NOL12: variants seen among roughly 807,000 people sequenced by gnomAD.
NOL12 encodes the protein nucleolar protein 12.
Under a neutral mutation model 25.2 loss-of-function variants are expected in NOL12, and 21 were observed. The ratio of observed to expected loss-of-function variants is 0.83; its 90% confidence interval spans 0.59 to 1.20. NOL12 has a LOEUF of 1.20. Ranked by LOEUF, NOL12 falls within the 50% of genes most tolerant of loss-of-function variation. NOL12 has a pLI of 0.00. For missense variants in NOL12, 286 were observed against 287.6 expected, an observed-to-expected ratio of 0.99 and a Z score of 0.04; for synonymous variants, 133 against 113.8, an observed-to-expected ratio of 1.17 and a Z score of -1.08.
In NOL12 at chr22:37,691,340, C is replaced by G. The variant is rs370068057; in HGVS notation, c.*4C>G. ...AGCACGGCACAGCGGGGAGTGAGAC[C>G]GAGAACGAAGCGGTGCCCCAGTCTA... On this transcript the variant is annotated 3_prime_UTR_variant, in exon 6 of 6. Transcript: ENST00000359114. 3 of 1,602,650 alleles carry G rather than the reference C, an allele frequency of 1.9e-6. No individual in the cohort carries two copies. The highest frequency in any genetic ancestry group is 2.2e-5 in the East Asian group (1 of 44,624).
In NOL12 at chr22:37,692,691, C is replaced by A; in HGVS notation, c.*1355C>A. On this transcript the variant is annotated 3_prime_UTR_variant, in exon 6 of 6. Transcript: ENST00000359114. Reference sequence around the variant, plus strand: ...ACAGTGCGGTGAGGGGCATCTGCGACAGGACTGCGGGCTCTACCCGCCCTG... The same window carrying A: ...ACAGTGCGGTGAGGGGCATCTGCGAAAGGACTGCGGGCTCTACCCGCCCTG... 1 of 399,006 alleles carries A rather than the reference C, an allele frequency of 2.5e-6. No homozygotes were observed. 24.7% of individuals were successfully genotyped at this position (399,006 alleles called of 1,614,324 possible). A position where few individuals can be genotyped will look rare whatever the true frequency, so the allele number is the denominator to read the frequency against.
In NOL12 at chr22:37,692,711, G is replaced by A. The variant is rs143537450; in HGVS notation, c.*1375G>A. 9.9e-4 allele frequency: 394 copies of A among 399,106 alleles called. 1 individual carries two copies. The highest frequency in any genetic ancestry group is 7.1e-3 in the African/African-American group (344 of 48,762). 24.7% of individuals were successfully genotyped at this position (399,106 alleles called of 1,614,324 possible). On this transcript the variant is annotated 3_prime_UTR_variant, in exon 6 of 6. Coordinates refer to ENST00000359114, the MANE Select transcript of NOL12 (RefSeq NM_024313.3). ...TGCGACAGGACTGCGGGCTCTACCC[G>A]CCCTGATGTGGGAGCTCCTGGAGTG...
intron 4 of NOL12, among the ~76,000 whole-genome samples, chr22:37,690,148 G>A (rs1299426791): frequency 6.6e-6 from 1 of 152,006 alleles, no homozygotes; most frequent in Non-Finnish European, 1.5e-5. Context: ...TCCAGCCTGG[G>A]CAAAAAGAGC....
At chr22:37,687,682 TC>T (rs1921881698) in intron 1 of NOL12, 1 of 386,748 alleles carries the variant, frequency 2.6e-6, no homozygotes, top group Admixed American at 4.1e-5. Flanking sequence ...GGTCTTGAAC[TC>T]CTGGCGTCAT....
chr22:37,689,509 G>T (rs1460869907), intron 4 of NOL12, among the ~76,000 whole-genome samples: 1 of 152,100 alleles, frequency 6.6e-6, no homozygotes, highest in African/African-American at 2.4e-5. Flanking sequence ...TGTGGGTTGT[G>T]AATCATGAGT....
At chr22:37,689,662 C>G (rs952024904) in intron 4 of NOL12, among the ~76,000 whole-genome samples, 3 of 152,198 alleles carry the variant, frequency 2.0e-5, no homozygotes, top group Non-Finnish European at 2.9e-5. Flanking sequence ...CACACAATTA[C>G]GATATAAAAC....
At chr22:37,686,558 G>T in intron 1 of NOL12, 83 bp downstream of exon 1, 1 of 1,428,808 alleles carries the variant, frequency 7.0e-7, no homozygotes. Flanking sequence ...CGCTCCCGCC[G>T]GGGGCTCTTC....
chr22:37,688,186 A>G (rs1379533545), intron 2 of NOL12, 126 bp from the exon 3 acceptor site: 1 of 1,152,622 alleles, frequency 8.7e-7, no homozygotes, highest in East Asian at 2.5e-5. Flanking sequence ...GTGATGGAAG[A>G]TGGAGTCTCC....
At chr22:37,687,020 A>T in intron 1 of NOL12, 1 of 985,404 alleles carries the variant, frequency 1.0e-6, no homozygotes, top group Non-Finnish European at 1.2e-6. Context: ...TGTGGAGATG[A>T]GAAGGGGCTG....
In NOL12 at chr22:37,692,564, A is replaced by G; in HGVS notation, c.*1228A>G. The G allele has an allele frequency of 2.5e-6, 1 of 398,626 alleles. No individual in the cohort carries two copies. The highest frequency in any genetic ancestry group is 4.4e-6 in the Non-Finnish European group (1 of 226,088). The allele number at this position is 398,626 out of a possible 1,614,324, so 24.7% of individuals were successfully genotyped here. On this transcript the variant is annotated 3_prime_UTR_variant, in exon 6 of 6. Transcript: ENST00000359114. ...GAGAATTTCAGGTTGTGCCTTGGTTAGAGGAGCTGTGTTGGGTCCTAAACA... is the reference window on the plus strand; with the variant it reads ...GAGAATTTCAGGTTGTGCCTTGGTTGGAGGAGCTGTGTTGGGTCCTAAACA...
Position 37,692,988 on chromosome 22 carries a change from C to T in NOL12, c.*1652C>T, listed in dbSNP as rs1233383885. The T allele has an allele frequency of 1.2e-5, 4 of 324,144 alleles. No homozygotes were observed. The highest frequency in any genetic ancestry group is 5.0e-5 in the Admixed American group (1 of 20,188). 20.1% of individuals were successfully genotyped at this position (324,144 alleles called of 1,614,324 possible). The stretch of plus-strand genomic sequence containing the variant: ...GGCCTGGCTTCTTGGCTCCGCCCAC[C>T]TGCTCTCCCTGCCACCAAGTTGTCT... On this transcript the variant is annotated 3_prime_UTR_variant, in exon 6 of 6. Coordinates refer to ENST00000359114, the MANE Select transcript of NOL12 (RefSeq NM_024313.3).
chr22:37,692,756 G>T lies in NOL12; in HGVS notation c.*1420G>T. 2.5e-6 allele frequency: 1 copy of T among 399,072 alleles called. No homozygotes were observed. The highest frequency in any genetic ancestry group is 4.4e-6 in the Non-Finnish European group (1 of 226,512). 24.7% of individuals were successfully genotyped at this position (399,072 alleles called of 1,614,324 possible). ...GGAGTGGGGGTGAGCAGTGAGCCAG[G>T]GTCTGCAGGGCTGTCCTCTCTCCAC... On this transcript the variant is annotated 3_prime_UTR_variant, in exon 6 of 6. Coordinates refer to ENST00000359114, the MANE Select transcript of NOL12 (RefSeq NM_024313.3).
chr22:37,689,815 G>A (rs574593856), intron 4 of NOL12, among the ~76,000 whole-genome samples: 5 of 151,978 alleles, frequency 3.3e-5, no homozygotes, highest in Non-Finnish European at 7.4e-5. Flanking sequence ...TATCACCTGG[G>A]GTCAGGAGTT....
chr22:37,686,650 C>T (rs1242976469), intron 1 of NOL12, 175 bp downstream of exon 1: 3 of 985,304 alleles, frequency 3.0e-6, no homozygotes, highest in Non-Finnish European at 3.6e-6. Flanking sequence ...CGGCCGCCAC[C>T]TTCTCCCTTC....
At position 37,692,815 on chromosome 22, in the gene NOL12, T is replaced by A; in HGVS notation, c.*1479T>A. Reference sequence around the variant, plus strand: ...GCCAGGCCTTACAGTGGGGCAGGCTTAGTGACTGTGCCTCAGTTATGCTGT... The same window carrying A: ...GCCAGGCCTTACAGTGGGGCAGGCTAAGTGACTGTGCCTCAGTTATGCTGT... On this transcript the variant is annotated 3_prime_UTR_variant, in exon 6 of 6. Transcript: ENST00000359114. The A allele has an allele frequency of 2.5e-6, 1 of 397,922 alleles. No individual in the cohort carries two copies. Among genetic ancestry groups the A allele is most frequent in the Non-Finnish European group, 4.4e-6 (1 of 226,094 alleles). 24.6% of individuals were successfully genotyped at this position (397,922 alleles called of 1,614,324 possible).
chr22:37,686,728 T>A (rs539188202), intron 1 of NOL12: 1 of 985,436 alleles, frequency 1.0e-6, no homozygotes, highest in East Asian at 1.1e-4. Flanking sequence ...CTCAGAGCAG[T>A]GGCTTCGACC....
At chr22:37,687,844 T>C in intron 1 of NOL12, 66 bp from the exon 2 acceptor site, 2 of 1,276,266 alleles carry the variant, frequency 1.6e-6, no homozygotes, top group Non-Finnish European at 2.2e-6. Flanking sequence ...GCCATTTTTC[T>C]CCTAGAGCGA....
rs1242026971 is a variant in NOL12 at position 37,686,345 on chromosome 22, T to C, written c.-48T>C. 6.5e-7 allele frequency: 1 copy of C among 1,548,492 alleles called. No individual in the cohort carries two copies. Among genetic ancestry groups the C allele is most frequent in the East Asian group, 2.4e-5 (1 of 41,042 alleles). ...TGTGCGCCCGGGAGGATGAGTACGC[T>C]ACACCCGGAAGTGTCTTCAGGGAGA... is the stretch of plus-strand genomic sequence containing the variant. On this transcript the variant is annotated 5_prime_UTR_variant, in exon 1 of 6. Transcript: ENST00000359114.
At chr22:37,690,142 G>A (rs1311878199) in intron 4 of NOL12, among the ~76,000 whole-genome samples, 2 of 152,258 alleles carry the variant, frequency 1.3e-5, no homozygotes, top group Middle Eastern at 3.4e-3. Context: ...TTGCACTCCA[G>A]CCTGGGCAAA....
Sources: allele counts gnomAD v4.1 joint callset (sites outside exome capture counted in the v4.1 genomes callset), GRCh38; gene constraint gnomAD v4.1.1; transcripts MANE v1.5; gene names NCBI Gene and HGNC (gene_info 2026-07-23, HGNC 2026-07-21).